MDH2: variants seen among roughly 807,000 people sequenced by gnomAD.
MDH2 encodes the protein malate dehydrogenase, mitochondrial.
Under a neutral mutation model 33.6 loss-of-function variants are expected in MDH2, and 25 were observed. That is an observed-to-expected ratio of 0.74 (90% CI 0.54 to 1.04). The LOEUF is 1.04. MDH2 is among the 50% of genes least tolerant of loss of function. The pLI, the probability that MDH2 is intolerant of heterozygous loss-of-function variation, is 0.00. For synonymous variants in MDH2, 193 were observed against 188.7 expected, an observed-to-expected ratio of 1.02 and a Z score of -0.19; for missense variants, 432 against 445.0, an observed-to-expected ratio of 0.97 and a Z score of 0.26.
chr7:76,055,004 G>A lies in MDH2; in HGVS notation c.235+6G>A, dbSNP rs782756337. 2.2e-5 allele frequency: 36 copies of A among 1,607,522 alleles called. No individual in the cohort carries two copies. The highest frequency in any genetic ancestry group is 3.1e-5 in the Non-Finnish European group (36 of 1,176,300). On this transcript the variant is annotated splice_donor_region_variant and intron_variant, in intron 2 of 8. Coordinates refer to ENST00000315758, the MANE Select transcript of MDH2 (RefSeq NM_005918.4). ...GACCAAAGCCGCTGTGAAAGGTACT[G>A]GGCGCGCTGACCCTGGAGACTTGCT...
Position 76,057,432 on chromosome 7 carries a change from G to A in MDH2, c.258G>A (p.Leu86=), listed in dbSNP as rs781951153. 5.6e-6 allele frequency: 9 copies of A among 1,614,184 alleles called. No individual in the cohort carries two copies. Among genetic ancestry groups the A allele is most frequent in the Non-Finnish European group, 7.6e-6 (9 of 1,180,042 alleles). ...AVKGYLGPEQ[L]PDCLKGCDVV... Reference sequence around the variant, plus strand: ...TAGGCTACCTCGGACCTGAACAGCTGCCTGACTGCCTGAAAGGTTGTGATG... The same window carrying A: ...TAGGCTACCTCGGACCTGAACAGCTACCTGACTGCCTGAAAGGTTGTGATG... The change falls in exon 3 of 9, where the codon CTG becomes CTA. Residue 86 remains leucine, a synonymous_variant. Coordinates refer to ENST00000315758, the MANE Select transcript of MDH2 (RefSeq NM_005918.4).
At chr7:76,063,737 C>G in intron 6 of MDH2, 145 bp downstream of exon 6, 1 of 760,318 alleles carries the variant, frequency 1.3e-6, no homozygotes, top group East Asian at 2.7e-5. Flanking sequence ...CCCCGCCCCT[C>G]TGCTGCAGGG....
intron 1 of MDH2, chr7:76,048,758 C>T (rs1261586014): frequency 1.6e-6 from 2 of 1,229,362 alleles, no homozygotes; most frequent in Admixed American, 4.2e-5. Flanking sequence ...AAGACGGCTT[C>T]CTCTTAACCT....
At chr7:76,057,518 G>T (rs1563548389) in intron 3 of MDH2, 25 bp downstream of exon 3, 1 of 1,606,934 alleles carries the variant, frequency 6.2e-7, no homozygotes, top group East Asian at 2.2e-5. Context: ...GCCTTGTCTG[G>T]TACCTCCCCA....
intron 1 of MDH2, 99 bp downstream of exon 1, chr7:76,048,325 T>G (rs1797396120): frequency 1.4e-6 from 2 of 1,428,816 alleles, no homozygotes; most frequent in African/African-American, 2.9e-5. Context: ...CAGGCCAGCC[T>G]GGACCGCAGG....
At chr7:76,058,468 A>C (rs1554586582) in intron 4 of MDH2, among the ~76,000 whole-genome samples, 1 of 152,226 alleles carries the variant, frequency 6.6e-6, no homozygotes, top group African/African-American at 2.4e-5. Flanking sequence ...CCAAGAGCCC[A>C]GTAGGTGCCT....
chr7:76,057,381 A>G, intron 2 of MDH2, 29 bp from the exon 3 acceptor site: 1 of 1,611,982 alleles, frequency 6.2e-7, no homozygotes, highest in Non-Finnish European at 8.5e-7. Flanking sequence ...AGAAACGGTG[A>G]CATTTCTCTT....
chr7:76,060,191 G>A (rs1324600787), intron 4 of MDH2, among the ~76,000 whole-genome samples, 182 bp from the exon 5 acceptor site: 1 of 152,236 alleles, frequency 6.6e-6, no homozygotes, highest in South Asian at 2.1e-4. Flanking sequence ...TTCACATGGT[G>A]CGGCCTGTCC....
intron 5 of MDH2, 152 bp from the exon 6 acceptor site, chr7:76,063,363 G>A (rs140217228): frequency 4.2e-5 from 30 of 708,350 alleles, no homozygotes; most frequent in Middle Eastern, 3.1e-4. Context: ...AGATCCAAGC[G>A]CAGCAGGGGC....
chr7:76,054,255 C>T (rs527509455), intron 1 of MDH2, among the ~76,000 whole-genome samples: 10 of 152,150 alleles, frequency 6.6e-5, no homozygotes, highest in African/African-American at 1.9e-4. Context: ...TCTTGTTAGG[C>T]AGCTCCTTGT....
rs559824036 is a variant in MDH2, at chr7:76,048,137, G to C, written c.-24G>C. The C allele has an allele frequency of 2.0e-6, 3 of 1,536,432 alleles. No individual in the cohort carries two copies. Among genetic ancestry groups the C allele is most frequent in the East Asian group, 4.9e-5 (2 of 40,916 alleles). Reference sequence around the variant, plus strand: ...CCGTCACCAGCTCCTGTGCCTGCCAGTCGGTGCCCCTCCCGCTCCAGCCAT... The same window carrying C: ...CCGTCACCAGCTCCTGTGCCTGCCACTCGGTGCCCCTCCCGCTCCAGCCAT... On this transcript the variant is annotated 5_prime_UTR_variant, in exon 1 of 9. Coordinates refer to ENST00000315758, the MANE Select transcript of MDH2 (RefSeq NM_005918.4).
intron 1 of MDH2, among the ~76,000 whole-genome samples, chr7:76,050,222 G>A (rs782534512): frequency 3.9e-5 from 6 of 152,324 alleles, no homozygotes; most frequent in Middle Eastern, 3.4e-3. Flanking sequence ...TAGAGATGGG[G>A]TTTCACCATG....
At chr7:76,054,775 A>G in intron 1 of MDH2, 55 bp from the exon 2 acceptor site, 1 of 1,600,292 alleles carries the variant, frequency 6.2e-7, no homozygotes, top group Non-Finnish European at 8.6e-7. Flanking sequence ...ATACCATGTG[A>G]ATCCTTTTCA....
At chr7:76,058,248 T>G (rs1274140243) in intron 4 of MDH2, 170 bp downstream of exon 4, 3 of 610,016 alleles carry the variant, frequency 4.9e-6, no homozygotes, top group East Asian at 5.5e-5. Context: ...CAGAGGCCCG[T>G]CCGTGCACTT....
chr7:76,048,708 T>C, intron 1 of MDH2: 1 of 1,238,010 alleles, frequency 8.1e-7, no homozygotes, highest in Non-Finnish European at 1.0e-6. Flanking sequence ...AGGGTTACAG[T>C]CATTTGGCCA....
intron 4 of MDH2, 116 bp from the exon 5 acceptor site, chr7:76,060,257 C>T (rs567826201): frequency 1.2e-3 from 1,624 of 1,356,812 alleles, no homozygotes; most frequent in Non-Finnish European, 1.5e-3. Flanking sequence ...TTTAATGTGG[C>T]ATCTTTGGAC....
intron 6 of MDH2, among the ~76,000 whole-genome samples, chr7:76,063,981 G>C (rs1798022473): frequency 6.6e-6 from 1 of 152,106 alleles, no homozygotes; most frequent in South Asian, 2.1e-4. Flanking sequence ...GCTGCAGCGA[G>C]CTATGATGCA....
chr7:76,055,894 C>G (rs1797763603), intron 2 of MDH2, among the ~76,000 whole-genome samples: 1 of 147,190 alleles, frequency 6.8e-6, no homozygotes, highest in Non-Finnish European at 1.5e-5. Context: ...GTGGCACAAT[C>G]TTGGCTTACT....
chr7:76,064,430 C>T lies in MDH2; in HGVS notation c.725C>T (p.Ala242Val), dbSNP rs782141356. ...EAGTEVVKAKAGAGSATLSMA... is the reference protein window; with the variant it reads ...EAGTEVVKAKVGAGSATLSMA... ...GGCACGGAGGTGGTCAAGGCTAAAG[C>T]CGGAGCAGGTAGAGTCTCAGGCAGC... The change falls in exon 7 of 9, where the codon GCC becomes GTC. Residue 242 changes from alanine (A) to valine (V), a missense_variant. Transcript: ENST00000315758. 5 of 1,612,302 alleles carry T rather than the reference C, an allele frequency of 3.1e-6. No homozygotes were observed. The highest frequency in any genetic ancestry group is 2.7e-5 in the African/African-American group (2 of 74,886).
Sources: gnomAD v4.1 joint callset for allele counts (sites outside exome capture counted in the v4.1 genomes callset) on GRCh38, gnomAD v4.1.1 for gene constraint, MANE v1.5 for transcripts, NCBI Gene and HGNC (gene_info 2026-07-23, HGNC 2026-07-21) for gene names.